USP15: variants seen among roughly 807,000 people sequenced by gnomAD.
USP15 encodes ubiquitin specific peptidase 15, also known as ubiquitin carboxyl-terminal hydrolase 15.
In USP15, 18 loss-of-function variants were observed where a neutral mutation model predicts 127.1. The observed-to-expected ratio is 0.14, with a 90% confidence interval of 0.10 to 0.21. USP15 has a LOEUF of 0.21. Ranked by LOEUF, USP15 falls within the 10% of genes least tolerant of loss-of-function variation. The pLI, the probability that USP15 is intolerant of heterozygous loss-of-function variation, is 1.00. For missense variants in USP15, 805 were observed against 1,159.9 expected (o/e 0.69, Z 4.44); for synonymous variants, 364 against 393.7 (o/e 0.92, Z 0.89).
chr12:62,340,304 A>G (rs1052435481), intron 6 of USP15, among the ~76,000 whole-genome samples: 3 of 150,830 alleles, frequency 2.0e-5, no homozygotes, highest in South Asian at 2.1e-4. Context: ...CTAGCAGTCT[A>G]TCTATTTTAT....
At chr12:62,269,242 G>A (rs1412189774) in intron 1 of USP15, among the ~76,000 whole-genome samples, 1 of 151,826 alleles carries the variant, frequency 6.6e-6, no homozygotes, top group South Asian at 2.1e-4. Flanking sequence ...AGGATGTATT[G>A]CCTATTGCTC....
chr12:62,296,043 C>CAATA (rs1445827861), intron 2 of USP15, among the ~76,000 whole-genome samples: 1 of 152,170 alleles, frequency 6.6e-6, no homozygotes, highest in East Asian at 1.9e-4. Context: ...GAAAGAGGGT[C>CAATA]AATATGTCAT....
At chr12:62,344,416 T>G (rs2065746718) in intron 6 of USP15, among the ~76,000 whole-genome samples, 1 of 152,182 alleles carries the variant, frequency 6.6e-6, no homozygotes, top group South Asian at 2.1e-4. Flanking sequence ...AGAGGTGGGC[T>G]CCCACAGCCT....
chr12:62,336,987 T>C (rs2065487446), intron 6 of USP15, among the ~76,000 whole-genome samples: 1 of 152,224 alleles, frequency 6.6e-6, no homozygotes, highest in Non-Finnish European at 1.5e-5. Flanking sequence ...TCATGCATTT[T>C]GGTCATTTGG....
intron 2 of USP15, among the ~76,000 whole-genome samples, chr12:62,297,244 A>C (rs1339979735): frequency 2.0e-5 from 3 of 152,186 alleles, no homozygotes; most frequent in Non-Finnish European, 4.4e-5. Flanking sequence ...ACAACCCTGT[A>C]ATATTGGGAG....
At position 62,299,559 on chromosome 12, in the gene USP15, C is replaced by G. The variant is rs555864877; in HGVS notation, c.218-3231C>G. On this transcript the variant is annotated intron_variant, in intron 2 of 21. Coordinates refer to ENST00000280377, the MANE Select transcript of USP15 (RefSeq NM_001252078.2). ...ATGGTGCACATTTACTTTATGCACT[C>G]ATCAGTTGATGGACATTTGAGTTGT... 3.3e-5 allele frequency among the ~76,000 whole-genome samples: 5 copies of G among 152,302 alleles called. 1 individual carries two copies. The South Asian group carries it at 8.3e-4, about 25-fold the overall frequency.
rs1421073463 is a variant in USP15, at chr12:62,410,582, T to C, written c.*6207T>C. 6.6e-6 allele frequency: 1 copy of C among 152,144 alleles called. No homozygotes were observed. 9.4% of individuals were successfully genotyped at this position (152,144 alleles called of 1,614,324 possible). A position where few individuals can be genotyped will look rare whatever the true frequency, so the allele number is the denominator to read the frequency against. On this transcript the variant is annotated 3_prime_UTR_variant, in exon 22 of 22. Coordinates refer to ENST00000280377, the MANE Select transcript of USP15 (RefSeq NM_001252078.2). ...AACAGTAAACATCATTAATCCTAGA[T>C]ATTTGGGTACTACCTACAGTGAGAT...
rs1173794177 is a variant in USP15, at chr12:62,405,731, A to G, written c.*1356A>G. ...TTTGTGTCCCACTGTTATTAAAGCA[A>G]AAAGTATAATGTTCTTCACTTGAAC... On this transcript the variant is annotated 3_prime_UTR_variant, in exon 22 of 22. Transcript: ENST00000280377. 1 of 152,600 alleles carries G rather than the reference A, an allele frequency of 6.6e-6. No individual in the cohort carries two copies. The highest frequency in any genetic ancestry group is 1.5e-5 in the Non-Finnish European group (1 of 68,004). 9.5% of individuals were successfully genotyped at this position (152,600 alleles called of 1,614,324 possible). A position where few individuals can be genotyped will look rare whatever the true frequency, so the allele number is the denominator to read the frequency against.
chr12:62,311,275 C>T (rs2064671600), intron 3 of USP15, among the ~76,000 whole-genome samples: 1 of 151,726 alleles, frequency 6.6e-6, no homozygotes, highest in South Asian at 2.1e-4. Context: ...TGAAACATTA[C>T]TGGGTAAAAT....
At chr12:62,392,434 A>T in intron 18 of USP15, 47 bp downstream of exon 18, 1 of 1,354,224 alleles carries the variant, frequency 7.4e-7, no homozygotes, top group East Asian at 2.3e-5. Context: ...TTAAGGATTT[A>T]TTCTGAGATA....
At chr12:62,271,500 C>T (rs928959175) in intron 1 of USP15, among the ~76,000 whole-genome samples, 3 of 151,810 alleles carry the variant, frequency 2.0e-5, no homozygotes, top group African/African-American at 4.8e-5. Context: ...TTTTAAAAAG[C>T]GAAGTTGATT....
At position 62,415,897 on chromosome 12, in the gene USP15, C is replaced by G. The variant is rs2068143121; in HGVS notation, c.*11522C>G. ...GGTATTATTACTAATAAAGAAGTAC[C>G]CAACTATGGGAATGATTGTTCCTTC... On this transcript the variant is annotated 3_prime_UTR_variant, in exon 22 of 22. Coordinates refer to ENST00000280377, the MANE Select transcript of USP15 (RefSeq NM_001252078.2). 6.6e-6 allele frequency: 1 copy of G among 151,970 alleles called. No individual in the cohort carries two copies. The allele number at this position is 151,970 out of a possible 1,614,324, so 9.4% of individuals were successfully genotyped here.
At chr12:62,260,884 C>G (rs922684115) in intron 1 of USP15, among the ~76,000 whole-genome samples, 7 of 152,148 alleles carry the variant, frequency 4.6e-5, no homozygotes, top group African/African-American at 1.7e-4. Context: ...CGCGGCTTAT[C>G]ACGATCTCAC....
intron 11 of USP15, among the ~76,000 whole-genome samples, chr12:62,385,766 C>T (rs2067129165): frequency 6.6e-6 from 1 of 152,026 alleles, no homozygotes; most frequent in East Asian, 1.9e-4. Flanking sequence ...GAAACTATAA[C>T]AGTGCCAAAC....
At chr12:62,343,029 C>A (rs936059427) in intron 6 of USP15, among the ~76,000 whole-genome samples, 1 of 152,212 alleles carries the variant, frequency 6.6e-6, no homozygotes, top group African/African-American at 2.4e-5. Context: ...CGTCCCTCCC[C>A]CCAGTGTCTC....
Position 62,391,407 on chromosome 12 carries a change from T to A in USP15, c.2211T>A (p.Asp737Glu). Reference protein sequence around the residue: ...IKDDTRHIRFDDRQLRLDERS... With the variant: ...IKDDTRHIRFEDRQLRLDERS... ...ATGATACCAGGCATATAAGATTTGA[T>A]GATAGGCAGCTTAGGCTAGATGGTA... Residue 737 changes from aspartate (D) to glutamate (E), a missense_variant, in exon 16 of 22, where the codon GAT (aspartate) becomes GAA (glutamate). Coordinates refer to ENST00000280377, the MANE Select transcript of USP15 (RefSeq NM_001252078.2). The A allele has an allele frequency of 6.2e-7, 1 of 1,611,492 alleles. No individual in the cohort carries two copies. Among genetic ancestry groups the A allele is most frequent in the Non-Finnish European group, 8.5e-7 (1 of 1,179,012 alleles).
rs910649755 is a variant in USP15 at position 62,414,553 on chromosome 12, T to A, written c.*10178T>A. 6.6e-5 allele frequency: 10 copies of A among 152,196 alleles called. No individual in the cohort carries two copies. The highest frequency in any genetic ancestry group is 1.9e-4 in the East Asian group (1 of 5,176). The allele number at this position is 152,196 out of a possible 1,614,324, so 9.4% of individuals were successfully genotyped here. On this transcript the variant is annotated 3_prime_UTR_variant, in exon 22 of 22. Coordinates refer to ENST00000280377, the MANE Select transcript of USP15 (RefSeq NM_001252078.2). ...GGTTTCACCATGTTACCCAGGCTGG[T>A]TTTGAAGTCTTGAACTCAGGCGATC...
At chr12:62,396,228 A>G in intron 19 of USP15, 67 bp from the exon 20 acceptor site, 1 of 1,274,038 alleles carries the variant, frequency 7.8e-7, no homozygotes. Flanking sequence ...CAACAATGGC[A>G]GAAGGGAATA....
At chr12:62,296,384 G>A (rs1339613452) in intron 2 of USP15, among the ~76,000 whole-genome samples, 3 of 152,166 alleles carry the variant, frequency 2.0e-5, no homozygotes, top group Admixed American at 2.0e-4. Context: ...TTATGTAACA[G>A]TGGAAAACTA....
Sources: allele counts gnomAD v4.1 joint callset (sites outside exome capture counted in the v4.1 genomes callset), GRCh38; gene constraint gnomAD v4.1.1; transcripts MANE v1.5; gene names NCBI Gene and HGNC (gene_info 2026-07-23, HGNC 2026-07-21).